ROR2: variants seen among roughly 807,000 people sequenced by gnomAD.
The protein encoded by ROR2 is tyrosine-protein kinase transmembrane receptor ROR2.
Under a neutral mutation model 74.9 loss-of-function variants are expected in ROR2, and 33 were observed. That is an observed-to-expected ratio of 0.44 (90% CI 0.33 to 0.59). The LOEUF (loss-of-function observed/expected upper bound fraction) is 0.59. Ranked by LOEUF, ROR2 falls within the 20% of genes least tolerant of loss-of-function variation. ROR2 has a pLI of 0.02. For synonymous variants in ROR2, 586 were observed against 558.7 expected, an observed-to-expected ratio of 1.05 and a Z score of -0.69; for missense variants, 1,216 against 1,313.8, an observed-to-expected ratio of 0.93 and a Z score of 1.15.
At chr9:91,939,022 G>A (rs1220878230) in intron 1 of ROR2, among the ~76,000 whole-genome samples, 1 of 152,122 alleles carries the variant, frequency 6.6e-6, no homozygotes, top group African/African-American at 2.4e-5. Flanking sequence ...AGGCCAAGGC[G>A]GGTGGATCAC....
rs889249084 is a variant in ROR2, at chr9:91,930,413, T to A, written c.97+19454A>T. Reference sequence around the variant, plus strand: ...GTCGGGATCAGCTTAGACTGTGTGGTCCGACTGCAGCCAATAGGAGAAGGA... The same window carrying A: ...GTCGGGATCAGCTTAGACTGTGTGGACCGACTGCAGCCAATAGGAGAAGGA... On this transcript the variant is annotated intron_variant, in intron 1 of 8. Transcript: ENST00000375708. 1.4e-4 allele frequency among the ~76,000 whole-genome samples: 21 copies of A among 152,238 alleles called. 1 individual carries two copies. Among genetic ancestry groups the A allele is most frequent in the South Asian group, 6.2e-4 (3 of 4,832 alleles).
chr9:91,762,474 TA>T (rs1825943552), intron 2 of ROR2, among the ~76,000 whole-genome samples: 1 of 152,240 alleles, frequency 6.6e-6, no homozygotes, highest in Non-Finnish European at 1.5e-5. Flanking sequence ...TTTTTTGATT[TA>T]AAAATGTTAA....
chr9:91,860,818 C>T (rs530823135), intron 1 of ROR2, among the ~76,000 whole-genome samples: 2 of 152,228 alleles, frequency 1.3e-5, no homozygotes, highest in East Asian at 3.9e-4. Context: ...CCAGTCTCCT[C>T]TGGAAACACC....
At chr9:91,871,001 C>G (rs1795152007) in intron 1 of ROR2, among the ~76,000 whole-genome samples, 2 of 152,224 alleles carry the variant, frequency 1.3e-5, no homozygotes, top group Admixed American at 1.3e-4. Flanking sequence ...TTCTACAGAT[C>G]AAATTACTCT....
In ROR2 at chr9:91,726,764, G is replaced by A. The variant is rs758714367; in HGVS notation, c.1184-21C>T. On this transcript the variant is annotated intron_variant, in intron 7 of 8. Coordinates refer to ENST00000375708, the MANE Select transcript of ROR2 (RefSeq NM_004560.4). ...GGGACCTGTGAACAATAAGGCTTTC[G>A]TGATTTTTCAGAAAACATCCCTTTT... 16 of 1,611,828 alleles carry A rather than the reference G, an allele frequency of 9.9e-6. No homozygotes were observed. The East Asian group carries it at 1.6e-4, about 16-fold the overall frequency.
intron 1 of ROR2, among the ~76,000 whole-genome samples, chr9:91,913,097 C>G (rs1384454898): frequency 6.6e-6 from 1 of 152,048 alleles, no homozygotes; most frequent in Non-Finnish European, 1.5e-5. Flanking sequence ...CCACTGCACT[C>G]CAGCCTGAGC....
intron 4 of ROR2, among the ~76,000 whole-genome samples, chr9:91,740,426 C>T (rs749816180): frequency 3.3e-5 from 5 of 151,934 alleles, no homozygotes; most frequent in African/African-American, 7.3e-5. Context: ...GTGGTGGGTA[C>T]CTGTAGTCCC....
intron 1 of ROR2, among the ~76,000 whole-genome samples, chr9:91,851,473 A>G (rs946559449): frequency 2.0e-5 from 3 of 152,258 alleles, no homozygotes; most frequent in Admixed American, 1.3e-4. Context: ...ATGACAATAC[A>G]TTTTGACACT....
chr9:91,922,610 T>A (rs1892264), intron 1 of ROR2, among the ~76,000 whole-genome samples: 8 of 152,094 alleles, frequency 5.3e-5, no homozygotes, highest in Non-Finnish European at 1.0e-4. Context: ...CGTACCACCA[T>A]GCCCGGCTAA....
At chr9:91,943,947 A>G (rs1831946175) in intron 1 of ROR2, among the ~76,000 whole-genome samples, 1 of 152,182 alleles carries the variant, frequency 6.6e-6, no homozygotes, top group African/African-American at 2.4e-5. Flanking sequence ...ATCACACTCA[A>G]TGTTAAAAGA....
intron 1 of ROR2, among the ~76,000 whole-genome samples, chr9:91,874,316 A>G (rs1205262578): frequency 1.3e-5 from 2 of 152,240 alleles, no homozygotes; most frequent in African/African-American, 4.8e-5. Flanking sequence ...TGCCTCGTGA[A>G]AGTGGCACAC....
At chr9:91,913,940 A>G (rs1473098999) in intron 1 of ROR2, among the ~76,000 whole-genome samples, 3 of 152,138 alleles carry the variant, frequency 2.0e-5, no homozygotes, top group Non-Finnish European at 4.4e-5. Context: ...TACACACTGA[A>G]AAATGGCCCC....
At chr9:91,936,713 T>C (rs952488942) in intron 1 of ROR2, among the ~76,000 whole-genome samples, 2 of 152,230 alleles carry the variant, frequency 1.3e-5, no homozygotes, top group African/African-American at 4.8e-5. Flanking sequence ...TCTAATCTTA[T>C]TTCCACCTCA....
chr9:91,798,421 GT>G (rs1827255485), intron 1 of ROR2, among the ~76,000 whole-genome samples: 1 of 125,384 alleles, frequency 8.0e-6, no homozygotes, highest in African/African-American at 3.3e-5. Flanking sequence ...GGCTCTGTGG[GT>G]GGGGCTGACA....
intron 2 of ROR2, among the ~76,000 whole-genome samples, chr9:91,770,130 G>C (rs1462392758): frequency 6.6e-6 from 1 of 152,192 alleles, no homozygotes; most frequent in African/African-American, 2.4e-5. Context: ...AATTATTAAG[G>C]AATAACAGAG....
At chr9:91,873,630 T>A (rs952793348) in intron 1 of ROR2, among the ~76,000 whole-genome samples, 1 of 152,096 alleles carries the variant, frequency 6.6e-6, no homozygotes, top group African/African-American at 2.4e-5. Context: ...GAACAAAAAG[T>A]GTCACAGGGC....
rs1832119488 is a variant in ROR2 at position 91,949,742 on chromosome 9, C to A, written c.97+125G>T. 1.6e-5 allele frequency: 11 copies of A among 701,602 alleles called. No individual in the cohort carries two copies. In the East Asian group the frequency reaches 2.0e-4, roughly 13 times the overall value. The allele number at this position is 701,602 out of a possible 1,614,324, so 43.5% of individuals were successfully genotyped here. A position where few individuals can be genotyped will look rare whatever the true frequency, so the allele number is the denominator to read the frequency against. On this transcript the variant is annotated intron_variant, in intron 1 of 8. Transcript: ENST00000375708. ...GTCGGGCGAGATGCGAATGGCCCTGCCTGGCGCCCCTCGTTCAGGAGCATG... is the reference window on the plus strand; with the variant it reads ...GTCGGGCGAGATGCGAATGGCCCTGACTGGCGCCCCTCGTTCAGGAGCATG...
intron 1 of ROR2, among the ~76,000 whole-genome samples, chr9:91,827,015 A>G (rs1251055323): frequency 1.3e-5 from 2 of 152,216 alleles, no homozygotes; most frequent in East Asian, 3.8e-4. Flanking sequence ...CCATTATTAA[A>G]GCATTGACGC....
chr9:91,752,945 T>C (rs1461003240), intron 4 of ROR2, among the ~76,000 whole-genome samples: 2 of 152,216 alleles, frequency 1.3e-5, no homozygotes, highest in African/African-American at 2.4e-5. Flanking sequence ...CTGGTGAGTA[T>C]ACAGGAGCCC....
Sources: allele counts gnomAD v4.1 joint callset (sites outside exome capture counted in the v4.1 genomes callset), GRCh38; gene constraint gnomAD v4.1.1; transcripts MANE v1.5; gene names NCBI Gene and HGNC (gene_info 2026-07-23, HGNC 2026-07-21).